TECPR2: variants seen among roughly 807,000 people sequenced by gnomAD.
TECPR2 encodes the protein tectonin beta-propeller repeat-containing protein 2.
TECPR2 carries 65 observed loss-of-function variants against 138.1 expected under a neutral mutation model. The observed-to-expected ratio is 0.47, with a 90% confidence interval of 0.39 to 0.58. The LOEUF (loss-of-function observed/expected upper bound fraction) is 0.58. Ranked by LOEUF, TECPR2 falls within the 20% of genes least tolerant of loss-of-function variation. The pLI is 0.00. For synonymous variants in TECPR2, 746 were observed against 749.8 expected (o/e 0.99, Z 0.08); for missense variants, 1,553 against 1,824.5 (o/e 0.85, Z 2.71).
chr14:102,494,732 G>A (rs532764802), intron 17 of TECPR2, among the ~76,000 whole-genome samples: 89 of 151,416 alleles, frequency 5.9e-4, no homozygotes, highest in Non-Finnish European at 1.1e-3. Context: ...GCTGAGGCAG[G>A]AGAATTGCTT....
At chr14:102,381,529 G>A (rs1489408147) in intron 2 of TECPR2, among the ~76,000 whole-genome samples, 1 of 152,194 alleles carries the variant, frequency 6.6e-6, no homozygotes, top group African/African-American at 2.4e-5. Context: ...AGCTAAGATC[G>A]TGCCAGTGCA....
At chr14:102,380,035 G>A (rs555420237) in intron 2 of TECPR2, among the ~76,000 whole-genome samples, 36 of 132,902 alleles carry the variant, frequency 2.7e-4, no homozygotes, top group Middle Eastern at 5.5e-3. Flanking sequence ...GCACAGAGGC[G>A]TCCTAGTCAC....
At chr14:102,401,082 T>G (rs1030082428) in intron 2 of TECPR2, among the ~76,000 whole-genome samples, 1 of 151,816 alleles carries the variant, frequency 6.6e-6, no homozygotes, top group South Asian at 2.1e-4. Flanking sequence ...ATTGGTTAAT[T>G]ACCTTAAATG....
intron 17 of TECPR2, among the ~76,000 whole-genome samples, chr14:102,488,498 T>A (rs1891087575): frequency 6.6e-6 from 1 of 151,712 alleles, no homozygotes; most frequent in Non-Finnish European, 1.5e-5. Flanking sequence ...CCCCACCACG[T>A]CCGGCTAATT....
rs79844991 is a variant in TECPR2, at chr14:102,440,198, G to T, written c.2579-238G>T. Among the ~76,000 whole-genome samples, 6,362 of 152,260 alleles carry T rather than the reference G, an allele frequency of 0.042. 157 individuals are homozygous for T. The highest frequency in any genetic ancestry group is 0.092 in the Middle Eastern group (27 of 294). The stretch of plus-strand genomic sequence containing the variant: ...CCTGTAAGGTGGAGATGATCCCCAC[G>T]GCCCAGGAGGAAAGTGAAGCTTGGA... On this transcript the variant is annotated intron_variant, in intron 10 of 19. Transcript: ENST00000359520.
intron 5 of TECPR2, among the ~76,000 whole-genome samples, chr14:102,422,758 T>C (rs747972322): frequency 7.4e-4 from 113 of 152,250 alleles, no homozygotes; most frequent in Non-Finnish European, 1.2e-3. Flanking sequence ...GAACATTGGT[T>C]GGGTGACTGA....
intron 1 of TECPR2, among the ~76,000 whole-genome samples, chr14:102,369,774 T>C (rs1382375276): frequency 2.0e-5 from 3 of 150,898 alleles, no homozygotes; most frequent in Admixed American, 6.6e-5. Context: ...ACCCCGTCTC[T>C]ACTAAAAAAA....
At chr14:102,447,823 G>A (rs996131013) in intron 13 of TECPR2, among the ~76,000 whole-genome samples, 19 of 152,046 alleles carry the variant, frequency 1.2e-4, no homozygotes, top group Middle Eastern at 3.4e-3. Context: ...GTGAACCACC[G>A]CGCCCGGCCA....
At chr14:102,458,964 C>T (rs868548402) in intron 16 of TECPR2, among the ~76,000 whole-genome samples, 2 of 79,276 alleles carry the variant, frequency 2.5e-5, no homozygotes, top group African/African-American at 1.1e-4. Flanking sequence ...AAAAAATACA[C>T]ACATATATAT....
At position 102,425,286 on chromosome 14, in the gene TECPR2, A is replaced by G; in HGVS notation, c.946A>G (p.Asn316Asp). 1 of 1,581,804 alleles carries G rather than the reference A, an allele frequency of 6.3e-7. No individual in the cohort carries two copies. Among genetic ancestry groups the G allele is most frequent in the South Asian group, 1.2e-5 (1 of 86,532 alleles). The change falls in exon 6 of 20, where the codon AAC (asparagine) becomes GAC (aspartate). Residue 316 changes from asparagine to aspartate, a missense_variant. Physicochemically the swap from Asn to Asp is conservative, Grantham distance 23. Coordinates refer to ENST00000359520, the MANE Select transcript of TECPR2 (RefSeq NM_014844.5). The part of the protein sequence containing the change: ...EYSIYLLDTV[N>D]QATVAGLEGS... ...TAGTATCTATCTCCTAGACACAGTC[A>G]ACCAGGTAAGTGAAGGGACGCCACC...
Position 102,425,039 on chromosome 14 carries a change from G to A in TECPR2, c.699G>A (p.Leu233=). ...PGLCKQSDLT[L]YASRPGLRLW... ...TCTGTAAGCAAAGTGATCTAACCTT[G>A]TATGCGTCACGGCCCGGGCTCCGGC... The change falls in exon 6 of 20, where the codon TTG becomes TTA. Residue 233 remains leucine (L), a synonymous_variant. Coordinates refer to ENST00000359520, the MANE Select transcript of TECPR2 (RefSeq NM_014844.5). 1.2e-6 allele frequency: 2 copies of A among 1,614,132 alleles called. No individual in the cohort carries two copies. Among genetic ancestry groups the A allele is most frequent in the Non-Finnish European group, 1.7e-6 (2 of 1,180,034 alleles).
intron 5 of TECPR2, among the ~76,000 whole-genome samples, chr14:102,421,085 A>G (rs1889167975): frequency 6.6e-6 from 1 of 152,256 alleles, no homozygotes; most frequent in Non-Finnish European, 1.5e-5. Context: ...ATGTTTGTTA[A>G]CATGAGTGCT....
At chr14:102,407,535 A>G in intron 3 of TECPR2, 69 bp downstream of exon 3, 3 of 1,515,840 alleles carry the variant, frequency 2.0e-6, no homozygotes, top group South Asian at 1.3e-5. Context: ...AAAATTAGAA[A>G]TCCTCATCTG....
intron 12 of TECPR2, 43 bp from the exon 13 acceptor site, chr14:102,445,763 T>A: frequency 6.3e-7 from 1 of 1,585,068 alleles, no homozygotes; most frequent in Non-Finnish European, 8.6e-7. Context: ...CTGGGCACTC[T>A]GCCTATGGGT....
rs1466609100 is a variant in TECPR2 at position 102,500,678 on chromosome 14, T to TA, written c.*2422dup. On this transcript the variant is annotated 3_prime_UTR_variant, in exon 20 of 20. Transcript: ENST00000359520. The stretch of plus-strand genomic sequence containing the variant: ...AAAAGGAAACTTGAATAAAGGAAGA[T>TA]ATGTTCCACATTCCTGGATGGAGGA... The TA allele has an allele frequency of 6.6e-6, 1 of 152,254 alleles. No individual in the cohort carries two copies. Among genetic ancestry groups the TA allele is most frequent in the Non-Finnish European group, 1.5e-5 (1 of 68,050 alleles). The allele number at this position is 152,254 out of a possible 1,614,324, so 9.4% of individuals were successfully genotyped here.
At chr14:102,470,784 C>T (rs542089448) in intron 17 of TECPR2, among the ~76,000 whole-genome samples, 23 of 151,218 alleles carry the variant, frequency 1.5e-4, no homozygotes, top group African/African-American at 4.1e-4. Flanking sequence ...GGGTTACAGG[C>T]GTGCACCACC....
chr14:102,452,110 A>G (rs1890159293), intron 15 of TECPR2, among the ~76,000 whole-genome samples: 1 of 152,266 alleles, frequency 6.6e-6, no homozygotes, highest in Non-Finnish European at 1.5e-5. Flanking sequence ...GGTCAAAGCC[A>G]CTAAGCCAAC....
intron 5 of TECPR2, among the ~76,000 whole-genome samples, chr14:102,423,043 C>T (rs981385931): frequency 2.0e-5 from 3 of 152,162 alleles, no homozygotes; most frequent in South Asian, 2.1e-4. Flanking sequence ...GTGTTAAGTA[C>T]AGTCATATGG....
At chr14:102,483,258 TGCCTTG>T (rs1285792183) in intron 17 of TECPR2, among the ~76,000 whole-genome samples, 1 of 152,188 alleles carries the variant, frequency 6.6e-6, no homozygotes, top group Non-Finnish European at 1.5e-5. Flanking sequence ...CATAGTGGTA[TGCCTTG>T]GTGAGGGCTG....
Sources: gnomAD v4.1 joint callset for allele counts (sites outside exome capture counted in the v4.1 genomes callset) on GRCh38, gnomAD v4.1.1 for gene constraint, MANE v1.5 for transcripts, NCBI Gene and HGNC (gene_info 2026-07-23, HGNC 2026-07-21) for gene names.